HK2: variants seen among roughly 807,000 people sequenced by gnomAD.
HK2 encodes hexokinase-2.
In HK2, 42 loss-of-function variants were observed where a neutral mutation model predicts 92.9. That is an observed-to-expected ratio of 0.45 (90% CI 0.35 to 0.58). The LOEUF (loss-of-function observed/expected upper bound fraction) is 0.58. HK2 is among the 20% of genes least tolerant of loss of function. The pLI is 0.00. For missense variants in HK2, 978 were observed against 1,245.1 expected (o/e 0.79, Z 3.23); for synonymous variants, 422 against 468.0 (o/e 0.90, Z 1.27).
intron 2 of HK2, among the ~76,000 whole-genome samples, chr2:74,866,086 T>C (rs1349835124): frequency 6.6e-6 from 1 of 152,040 alleles, no homozygotes; most frequent in African/African-American, 2.4e-5. Flanking sequence ...CTGACACACT[T>C]CTGGTTGTGT....
In HK2 at chr2:74,867,698, G is replaced by A. The variant is rs776002376; in HGVS notation, c.289G>A (p.Val97Ile). The change falls in exon 3 of 18, where the codon GTA becomes ATA. Residue 97 changes from valine to isoleucine, a missense_variant. Coordinates refer to ENST00000290573, the MANE Select transcript of HK2 (RefSeq NM_000189.5). ...GTNFRVLWVK[V>I]TDNGLQKVEM... ...CAACTTCCGTGTGCTTTGGGTGAAA[G>A]TAACGGACAATGGGCTCCAGAAGGT... The A allele has an allele frequency of 9.3e-6, 15 of 1,614,048 alleles. No individual in the cohort carries two copies. The highest frequency in any genetic ancestry group is 1.7e-5 in the Admixed American group (1 of 60,010).
intron 1 of HK2, 79 bp from the exon 2 acceptor site, chr2:74,854,214 G>C: frequency 7.6e-7 from 1 of 1,318,194 alleles, no homozygotes; most frequent in Non-Finnish European, 1.1e-6. Context: ...TTGAAGAGCT[G>C]AGTGGTGTTC....
intron 8 of HK2, 87 bp from the exon 9 acceptor site, chr2:74,878,601 C>T (rs1558802016): frequency 3.8e-6 from 4 of 1,052,832 alleles, no homozygotes; most frequent in Admixed American, 4.0e-5. Flanking sequence ...TTTGCTGGAA[C>T]TAAAGGGCTT....
chr2:74,842,109 C>T (rs1407780356), intron 1 of HK2, among the ~76,000 whole-genome samples: 1 of 152,218 alleles, frequency 6.6e-6, no homozygotes, highest in Non-Finnish European at 1.5e-5. Context: ...TTGGATAACA[C>T]TTTAATTGAG....
intron 9 of HK2, 80 bp from the exon 10 acceptor site, chr2:74,880,185 C>T (rs895125405): frequency 2.0e-5 from 30 of 1,494,218 alleles, no homozygotes; most frequent in Middle Eastern, 1.7e-4. Context: ...TGGATTAAGG[C>T]GGTGGGCAAC....
intron 1 of HK2, among the ~76,000 whole-genome samples, chr2:74,835,931 G>T (rs1423611452): frequency 6.6e-6 from 1 of 152,222 alleles, no homozygotes; most frequent in Non-Finnish European, 1.5e-5. Context: ...GCATATTAAT[G>T]TAGTGATGGC....
At chr2:74,839,674 T>TTTTTTTA (rs1688256299) in intron 1 of HK2, among the ~76,000 whole-genome samples, 1 of 151,398 alleles carries the variant, frequency 6.6e-6, no homozygotes, top group East Asian at 1.9e-4. Flanking sequence ...TTTTTTTTTT[T>TTTTTTTA]GTGAGACAGA....
chr2:74,880,580 G>A lies in HK2; in HGVS notation c.1570+11G>A. 12 of 1,611,920 alleles carry A rather than the reference G, an allele frequency of 7.4e-6. No individual in the cohort carries two copies. Among genetic ancestry groups the A allele is most frequent in the Non-Finnish European group, 1.0e-5 (12 of 1,178,608 alleles). ...CCCCGGACGGCACAGGTACACGGCA[G>A]GGTTGCCACCTGGCTCACATGGTGG... is the stretch of plus-strand genomic sequence containing the variant. On this transcript the variant is annotated intron_variant, in intron 10 of 17. Coordinates refer to ENST00000290573, the MANE Select transcript of HK2 (RefSeq NM_000189.5).
At chr2:74,838,414 C>T (rs1276900946) in intron 1 of HK2, among the ~76,000 whole-genome samples, 1 of 152,028 alleles carries the variant, frequency 6.6e-6, no homozygotes, top group Non-Finnish European at 1.5e-5. Context: ...CAAAGCATGA[C>T]CTGAGGCCAA....
At chr2:74,876,254 A>G (rs181292559) in intron 7 of HK2, among the ~76,000 whole-genome samples, 39 of 152,204 alleles carry the variant, frequency 2.6e-4, no homozygotes, top group African/African-American at 8.4e-4. Flanking sequence ...CGGAAAGGTA[A>G]CCTTGGAATC....
intron 1 of HK2, among the ~76,000 whole-genome samples, chr2:74,841,224 T>C (rs1688308127): frequency 6.6e-6 from 1 of 151,952 alleles, no homozygotes; most frequent in South Asian, 2.1e-4. Context: ...CAGTGGACTT[T>C]GGCAATGTCT....
intron 16 of HK2, 89 bp from the exon 17 acceptor site, chr2:74,889,156 C>A: frequency 9.2e-7 from 1 of 1,081,878 alleles, no homozygotes; most frequent in Non-Finnish European, 1.4e-6. Flanking sequence ...CCCACAGAGC[C>A]TCCCCTGTAA....
chr2:74,847,066 C>T lies in HK2; in HGVS notation c.64-7227C>T, dbSNP rs566288570. 5.3e-5 allele frequency among the ~76,000 whole-genome samples: 8 copies of T among 152,212 alleles called. No homozygotes were observed. In the East Asian group the frequency reaches 9.7e-4, roughly 18 times the overall value. On this transcript the variant is annotated intron_variant, in intron 1 of 17. Coordinates refer to ENST00000290573, the MANE Select transcript of HK2 (RefSeq NM_000189.5). ...GATTTTTAGCTGTGGTCATCTAGGGCACCTGGAGAGACGGTTCTAGATAAT... is the reference window on the plus strand; with the variant it reads ...GATTTTTAGCTGTGGTCATCTAGGGTACCTGGAGAGACGGTTCTAGATAAT...
intron 2 of HK2, among the ~76,000 whole-genome samples, chr2:74,855,543 T>A (rs762742398): frequency 6.6e-6 from 1 of 152,176 alleles, no homozygotes; most frequent in African/African-American, 2.4e-5. Context: ...CCAGAATCCT[T>A]ATTTTATGGT....
At chr2:74,881,629 T>G in intron 10 of HK2, 82 bp from the exon 11 acceptor site, 1 of 1,365,834 alleles carries the variant, frequency 7.3e-7, no homozygotes, top group East Asian at 2.3e-5. Context: ...AGGAATGGTG[T>G]ATTTGGATCG....
intron 1 of HK2, among the ~76,000 whole-genome samples, chr2:74,842,872 G>A (rs1304912671): frequency 6.6e-6 from 1 of 152,250 alleles, no homozygotes; most frequent in African/African-American, 2.4e-5. Context: ...AGACACAGTT[G>A]TGCTGAATGA....
Position 74,874,451 on chromosome 2 carries a change from T to C in HK2, c.875+2T>C. 6.3e-7 allele frequency: 1 copy of C among 1,598,772 alleles called. No homozygotes were observed. The highest frequency in any genetic ancestry group is 8.5e-7 in the Non-Finnish European group (1 of 1,171,598). ...CTCACTGAACCCGGGAAAGCAACTG[T>C]GAGTAGGCCCTTCCTGTGCGAGTGG... is the stretch of plus-strand genomic sequence containing the variant. On this transcript the variant is annotated splice_donor_variant, in intron 7 of 17. Coordinates refer to ENST00000290573, the MANE Select transcript of HK2 (RefSeq NM_000189.5). LOFTEE classifies it high-confidence loss of function.
At chr2:74,887,583 C>G (rs539954243) in intron 15 of HK2, among the ~76,000 whole-genome samples, 1 of 151,970 alleles carries the variant, frequency 6.6e-6, no homozygotes, top group African/African-American at 2.4e-5. Context: ...TGTTCCTTCT[C>G]GAGTTGCTTC....
intron 2 of HK2, among the ~76,000 whole-genome samples, chr2:74,866,273 CCT>C (rs925215429): frequency 1.3e-5 from 2 of 152,160 alleles, no homozygotes; most frequent in Non-Finnish European, 2.9e-5. Flanking sequence ...ATCTCCCTGA[CCT>C]CTGACCCATT....
Sources: allele counts gnomAD v4.1 joint callset (sites outside exome capture counted in the v4.1 genomes callset), GRCh38; gene constraint gnomAD v4.1.1; transcripts MANE v1.5; gene names NCBI Gene and HGNC (gene_info 2026-07-23, HGNC 2026-07-21).